Variants in PTPRO observed in about 807,000 individuals in gnomAD.
PTPRO encodes protein tyrosine phosphatase receptor type O.
A neutral mutation model predicts 145.2 loss-of-function variants in PTPRO; 62 were observed. That is an observed-to-expected ratio of 0.43 (90% confidence interval 0.35 to 0.53). The LOEUF (loss-of-function observed/expected upper bound fraction) is 0.53, where lower values mean the gene tolerates loss of function less well. PTPRO is among the 20% of genes least tolerant of loss of function. The pLI is 0.01. For missense variants in PTPRO, 1,345 were observed against 1,482.7 expected, an observed-to-expected ratio of 0.91 and a Z score of 1.53; for synonymous variants, 565 against 514.7, an observed-to-expected ratio of 1.10 and a Z score of -1.32.
intron 1 of PTPRO, among the ~76,000 whole-genome samples, chr12:15,335,097 C>T (rs1474422421): frequency 6.6e-6 from 1 of 152,044 alleles, no homozygotes; most frequent in African/African-American, 2.4e-5. Context: ...GTGCTGATAA[C>T]TAAAGTGTAA....
chr12:15,365,373 A>G (rs1386697368), intron 1 of PTPRO, among the ~76,000 whole-genome samples: 2 of 152,296 alleles, frequency 1.3e-5, no homozygotes, highest in Non-Finnish European at 2.9e-5. Context: ...TTACTGTTTG[A>G]AATGTGTTTA....
chr12:15,490,225 A>T (rs1941972276), intron 2 of PTPRO, among the ~76,000 whole-genome samples: 1 of 152,244 alleles, frequency 6.6e-6, no homozygotes, highest in Non-Finnish European at 1.5e-5. Flanking sequence ...AATCATATGT[A>T]TAGCCTTAGG....
chr12:15,565,194 G>A (rs553813368), intron 17 of PTPRO, among the ~76,000 whole-genome samples: 4 of 152,202 alleles, frequency 2.6e-5, no homozygotes, highest in East Asian at 1.9e-4. Context: ...ACATTCCACC[G>A]TCTCTTTATT....
At chr12:15,374,747 G>A (rs920905093) in intron 1 of PTPRO, among the ~76,000 whole-genome samples, 1 of 152,132 alleles carries the variant, frequency 6.6e-6, no homozygotes, top group African/African-American at 2.4e-5. Context: ...GTACCAGTTG[G>A]GGTGAACAAG....
chr12:15,483,490 T>A (rs1446848343), intron 1 of PTPRO, among the ~76,000 whole-genome samples: 1 of 152,096 alleles, frequency 6.6e-6, no homozygotes, highest in East Asian at 1.9e-4. Flanking sequence ...TTTTATAATT[T>A]TCAGAGCTAG....
At chr12:15,328,266 GT>G (rs1395986440) in intron 1 of PTPRO, among the ~76,000 whole-genome samples, 4 of 151,858 alleles carry the variant, frequency 2.6e-5, no homozygotes, top group Non-Finnish European at 2.9e-5. Context: ...TCTGCACATT[GT>G]ACCTTTGAAT....
intron 1 of PTPRO, among the ~76,000 whole-genome samples, chr12:15,333,201 C>T (rs900948741): frequency 1.2e-4 from 18 of 152,206 alleles, no homozygotes; most frequent in African/African-American, 7.2e-5. Context: ...TTATTCCAAT[C>T]TCTGCTCAAG....
At chr12:15,398,709 G>A (rs965725119) in intron 1 of PTPRO, among the ~76,000 whole-genome samples, 9 of 150,524 alleles carry the variant, frequency 6.0e-5, no homozygotes, top group Non-Finnish European at 7.4e-5. Flanking sequence ...TTTATTTTGC[G>A]CCTGATTCAA....
intron 1 of PTPRO, among the ~76,000 whole-genome samples, chr12:15,401,001 T>A (rs1048935993): frequency 3.9e-5 from 6 of 152,186 alleles, no homozygotes; most frequent in African/African-American, 1.4e-4. Flanking sequence ...AATGAAGTGT[T>A]TTCGCTTTTT....
At chr12:15,411,759 G>A (rs559050901) in intron 1 of PTPRO, among the ~76,000 whole-genome samples, 1 of 152,230 alleles carries the variant, frequency 6.6e-6, no homozygotes, top group Non-Finnish European at 1.5e-5. Flanking sequence ...TACTTAGAAA[G>A]TGGTGTCATG....
chr12:15,516,524 A>AAAAG (rs1942597447), intron 8 of PTPRO, among the ~76,000 whole-genome samples: 1 of 146,624 alleles, frequency 6.8e-6, no homozygotes, highest in Non-Finnish European at 1.5e-5. Flanking sequence ...AAAGAAAAAG[A>AAAAG]AAAGAAAAGA....
chr12:15,404,729 T>C (rs892684609), intron 1 of PTPRO, among the ~76,000 whole-genome samples: 1 of 152,344 alleles, frequency 6.6e-6, no homozygotes, highest in Middle Eastern at 3.4e-3. Flanking sequence ...AACTCTAAAA[T>C]GCATATTCTT....
intron 1 of PTPRO, among the ~76,000 whole-genome samples, chr12:15,411,560 T>C (rs1939801371): frequency 6.6e-6 from 1 of 152,216 alleles, no homozygotes; most frequent in South Asian, 2.1e-4. Context: ...ACAGTAGCTG[T>C]GTATTCGTAG....
intron 1 of PTPRO, among the ~76,000 whole-genome samples, chr12:15,359,429 T>C: frequency 6.9e-6 from 1 of 145,208 alleles, no homozygotes; most frequent in East Asian, 2.0e-4. Context: ...TTCCTTTTTT[T>C]TTTTTTTTTT....
At chr12:15,490,603 G>A (rs1180119200) in intron 2 of PTPRO, among the ~76,000 whole-genome samples, 3 of 152,172 alleles carry the variant, frequency 2.0e-5, no homozygotes, top group African/African-American at 7.2e-5. Flanking sequence ...GTGGACTGTA[G>A]TTTGCTCACT....
intron 1 of PTPRO, among the ~76,000 whole-genome samples, chr12:15,405,686 G>T (rs1362193386): frequency 2.6e-5 from 4 of 152,072 alleles, no homozygotes; most frequent in Non-Finnish European, 5.9e-5. Flanking sequence ...ACAAAGTATT[G>T]GCCGTTAAGA....
intron 1 of PTPRO, among the ~76,000 whole-genome samples, chr12:15,390,135 A>T (rs903580647): frequency 2.6e-5 from 4 of 152,162 alleles, no homozygotes; most frequent in Non-Finnish European, 5.9e-5. Context: ...TAAGTTTGAG[A>T]ACTAATAGCT....
At chr12:15,551,020 C>T (rs761912926) in intron 14 of PTPRO, among the ~76,000 whole-genome samples, 10 of 152,216 alleles carry the variant, frequency 6.6e-5, no homozygotes, top group Admixed American at 3.3e-4. Context: ...CATATGGCCA[C>T]GGATCATCAG....
chr12:15,516,647 G>T (rs529929935), intron 8 of PTPRO, 116 bp from the exon 9 acceptor site: 12 of 868,968 alleles, frequency 1.4e-5, no homozygotes, highest in Non-Finnish European at 2.3e-5. Flanking sequence ...GGGAGGGAGG[G>T]AGGTAGGTAT....
Sources: allele counts gnomAD v4.1 joint callset (sites outside exome capture counted in the v4.1 genomes callset), GRCh38; gene constraint gnomAD v4.1.1; transcripts MANE v1.5; gene names NCBI Gene and HGNC (gene_info 2026-07-23, HGNC 2026-07-21).